CASP10: variants seen among roughly 807,000 people sequenced by gnomAD.
CASP10 encodes the protein caspase-10.
A neutral mutation model predicts 48.5 loss-of-function variants in CASP10; 41 were observed. That is an observed-to-expected ratio of 0.85 (90% CI 0.66 to 1.10). The LOEUF (loss-of-function observed/expected upper bound fraction) is 1.10. Among genes scored for constraint, CASP10 ranks in the 50% least tolerant of loss-of-function variants. The pLI, the probability that CASP10 is intolerant of heterozygous loss-of-function variation, is 0.00. For missense variants in CASP10, 614 were observed against 614.5 expected, an observed-to-expected ratio of 1.00 and a Z score of 0.01; for synonymous variants, 232 against 238.4, an observed-to-expected ratio of 0.97 and a Z score of 0.25.
intron 8 of CASP10, 122 bp downstream of exon 8, chr2:201,208,305 C>T: frequency 1.4e-6 from 2 of 1,436,794 alleles, no homozygotes; most frequent in Non-Finnish European, 1.8e-6. Flanking sequence ...TATCATGTTT[C>T]TGAGCCTCTT....
chr2:201,187,943 A>G lies in CASP10; in HGVS notation c.441+144A>G, dbSNP rs1006185474. ...TTACGAACATTGGCTTTGGTGCTGG[A>G]TGAGCCTAGATTCTGGTCCTGATTC... On this transcript the variant is annotated intron_variant, in intron 3 of 9. Transcript: ENST00000286186. 15 of 707,708 alleles carry G rather than the reference A, an allele frequency of 2.1e-5. No individual in the cohort carries two copies. The Admixed American group carries it at 2.9e-4, about 14-fold the overall frequency. 43.8% of individuals were successfully genotyped at this position (707,708 alleles called of 1,614,324 possible).
In CASP10 at chr2:201,218,254, G is replaced by T. The variant is rs1945635942; in HGVS notation, c.*513G>T. ...TTCATTATTGAAGACTTGGATTGTA[G>T]CCTTGGTTTTGGATGTCTATTCTGA... On this transcript the variant is annotated 3_prime_UTR_variant, in exon 10 of 10. Coordinates refer to ENST00000286186, the MANE Select transcript of CASP10 (RefSeq NM_032977.4). 9.9e-7 allele frequency: 1 copy of T among 1,009,708 alleles called. No homozygotes were observed. The highest frequency in any genetic ancestry group is 1.2e-6 in the Non-Finnish European group (1 of 844,666). 62.5% of individuals were successfully genotyped at this position (1,009,708 alleles called of 1,614,324 possible).
At chr2:201,184,247 T>TA (rs1468692636) in intron 1 of CASP10, among the ~76,000 whole-genome samples, 2 of 152,204 alleles carry the variant, frequency 1.3e-5, no homozygotes, top group African/African-American at 4.8e-5. Flanking sequence ...ATGTAATTTT[T>TA]ATCTTCCTTC....
intron 9 of CASP10, among the ~76,000 whole-genome samples, chr2:201,228,142 C>T (rs1185366536): frequency 6.6e-6 from 1 of 152,142 alleles, no homozygotes; most frequent in Admixed American, 6.5e-5. Flanking sequence ...ATGAGACCAG[C>T]CTGGCCAACA....
At chr2:201,212,229 G>C (rs528551439) in intron 9 of CASP10, 4 of 152,222 alleles carry the variant, frequency 2.6e-5, no homozygotes, top group Non-Finnish European at 4.4e-5. Context: ...TATTACAGGC[G>C]TGAGCCACGG....
In CASP10 at chr2:201,219,615, G is replaced by C; in HGVS notation, c.*1874G>C. 1.0e-6 allele frequency: 1 copy of C among 985,422 alleles called. No homozygotes were observed. Among genetic ancestry groups the C allele is most frequent in the Non-Finnish European group, 1.2e-6 (1 of 829,938 alleles). The allele number at this position is 985,422 out of a possible 1,614,324, so 61.0% of individuals were successfully genotyped here. On this transcript the variant is annotated 3_prime_UTR_variant, in exon 10 of 10. Coordinates refer to ENST00000286186, the MANE Select transcript of CASP10 (RefSeq NM_032977.4). ...GATCACTGGGCTCTTCTTGGCAGAG[G>C]GGATGTCTGGCTTGCCTGAAGGGAG...
chr2:201,219,803 T>A lies in CASP10; in HGVS notation c.*2062T>A, dbSNP rs1404163461. 1 of 984,276 alleles carries A rather than the reference T, an allele frequency of 1.0e-6. No homozygotes were observed. The highest frequency in any genetic ancestry group is 1.2e-6 in the Non-Finnish European group (1 of 829,818). The allele number at this position is 984,276 out of a possible 1,614,324, so 61.0% of individuals were successfully genotyped here. A position where few individuals can be genotyped will look rare whatever the true frequency, so the allele number is the denominator to read the frequency against. ...TTAAAGGTGAGCCCTCATAGGGAGATCCAAAGTCCTGTGGTTAACGCCTTC... is the reference window on the plus strand; with the variant it reads ...TTAAAGGTGAGCCCTCATAGGGAGAACCAAAGTCCTGTGGTTAACGCCTTC... On this transcript the variant is annotated 3_prime_UTR_variant, in exon 10 of 10. Coordinates refer to ENST00000286186, the MANE Select transcript of CASP10 (RefSeq NM_032977.4).
At chr2:201,212,096 G>A (rs1945415580) in intron 9 of CASP10, among the ~76,000 whole-genome samples, 1 of 152,080 alleles carries the variant, frequency 6.6e-6, no homozygotes, top group Non-Finnish European at 1.5e-5. Flanking sequence ...TCACAGGCAT[G>A]TGCCACCACG....
intron 2 of CASP10, 101 bp downstream of exon 2, chr2:201,186,225 T>C: frequency 1.2e-6 from 1 of 827,496 alleles, no homozygotes; most frequent in South Asian, 1.4e-5. Flanking sequence ...CTTTTGGTTA[T>C]CTACCTCCTT....
Position 201,217,768 on chromosome 2 carries a change from C to T in CASP10, c.*27C>T. On this transcript the variant is annotated 3_prime_UTR_variant, in exon 10 of 10. Coordinates refer to ENST00000286186, the MANE Select transcript of CASP10 (RefSeq NM_032977.4). ...AGAGAGTTTTTGTTGGTTCTTAGAC[C>T]TCAAACGAATCATTGGCTATAACCT... is the stretch of plus-strand genomic sequence containing the variant. 1 of 1,613,642 alleles carries T rather than the reference C, an allele frequency of 6.2e-7. No homozygotes were observed.
chr2:201,190,599 T>A (rs901494591), intron 3 of CASP10, among the ~76,000 whole-genome samples: 4 of 152,130 alleles, frequency 2.6e-5, no homozygotes, highest in Non-Finnish European at 5.9e-5. Flanking sequence ...CGCTCACAAA[T>A]TTTCCAGTGT....
rs778289963 is a variant in CASP10 at position 201,203,800 on chromosome 2, A to G, written c.721+34A>G. The stretch of plus-strand genomic sequence containing the variant: ...TTCTAATGTACTTTTTACAACTTAG[A>G]TCGGTATGGTAGGGATAGACATATT... On this transcript the variant is annotated intron_variant, in intron 6 of 9. Coordinates refer to ENST00000286186, the MANE Select transcript of CASP10 (RefSeq NM_032977.4). 2.6e-6 allele frequency: 4 copies of G among 1,562,990 alleles called. No homozygotes were observed. In the African/African-American group the frequency reaches 4.1e-5, roughly 16 times the overall value.
At chr2:201,222,530 T>G (rs1224997240), downstream of CASP10, among the ~76,000 whole-genome samples, 1 of 152,250 alleles carries the variant, frequency 6.6e-6, no homozygotes, top group Non-Finnish European at 1.5e-5. Flanking sequence ...CATAAAAGTT[T>G]GGATACTGCC....
Position 201,220,008 on chromosome 2 carries a change from T to A in CASP10, c.*2267T>A. 1 of 985,418 alleles carries A rather than the reference T, an allele frequency of 1.0e-6. No homozygotes were observed. Among genetic ancestry groups the A allele is most frequent in the Non-Finnish European group, 1.2e-6 (1 of 829,910 alleles). The allele number at this position is 985,418 out of a possible 1,614,324, so 61.0% of individuals were successfully genotyped here. A position where few individuals can be genotyped will look rare whatever the true frequency, so the allele number is the denominator to read the frequency against. ...ATGTCAAGGAATGAAGAACAACAAC[T>A]CTCAGTGGTGCCTGCATTTATAATT... On this transcript the variant is annotated 3_prime_UTR_variant, in exon 10 of 10. Coordinates refer to ENST00000286186, the MANE Select transcript of CASP10 (RefSeq NM_032977.4).
chr2:201,225,495 G>T (rs1489128014), downstream of CASP10, among the ~76,000 whole-genome samples: 1 of 152,058 alleles, frequency 6.6e-6, no homozygotes, highest in Non-Finnish European at 1.5e-5. Flanking sequence ...TCACCCTTTT[G>T]CACTCTCGGT....
chr2:201,199,126 A>C (rs1252281530), intron 5 of CASP10, among the ~76,000 whole-genome samples: 1 of 152,152 alleles, frequency 6.6e-6, no homozygotes, highest in Non-Finnish European at 1.5e-5. Flanking sequence ...TTTGAGAGTA[A>C]GTTGCATACA....
Position 201,217,941 on chromosome 2 carries a change from T to C in CASP10, c.*200T>C. The C allele has an allele frequency of 7.5e-7, 1 of 1,342,162 alleles. No homozygotes were observed. Among genetic ancestry groups the C allele is most frequent in the Non-Finnish European group, 9.7e-7 (1 of 1,032,302 alleles). The allele number at this position is 1,342,162 out of a possible 1,614,324, so 83.1% of individuals were successfully genotyped here. On this transcript the variant is annotated 3_prime_UTR_variant, in exon 10 of 10. Transcript: ENST00000286186. ...AAAACTTTCTTTTTTTTGGAGATAG[T>C]CTCATTCTGTCACCCAGACTGGAGT...
At chr2:201,193,269 G>A (rs1222643896) in intron 4 of CASP10, 150 bp downstream of exon 4, 3 of 749,704 alleles carry the variant, frequency 4.0e-6, no homozygotes, top group African/African-American at 1.8e-5. Context: ...GTGCAGTGGT[G>A]TGATCTTGGC....
chr2:201,197,034 A>G (rs1183688678), intron 5 of CASP10, among the ~76,000 whole-genome samples: 1 of 152,208 alleles, frequency 6.6e-6, no homozygotes, highest in Non-Finnish European at 1.5e-5. Flanking sequence ...TTAAAGGCTG[A>G]ATAATATTCC....
Sources: gnomAD v4.1 joint callset for allele counts (sites outside exome capture counted in the v4.1 genomes callset) on GRCh38, gnomAD v4.1.1 for gene constraint, MANE v1.5 for transcripts, NCBI Gene and HGNC (gene_info 2026-07-23, HGNC 2026-07-21) for gene names.